The following TBC1D23 variants were observed in gnomAD, a reference collection of about 807,000 sequenced individuals.
The protein encoded by TBC1D23 is HCV non-structural protein 4A-transactivated protein 1.
In TBC1D23, 55 loss-of-function variants were observed where a neutral mutation model predicts 91.4. That is an observed-to-expected ratio of 0.60 (90% confidence interval 0.48 to 0.75). The LOEUF (loss-of-function observed/expected upper bound fraction) is 0.75, where lower values mean the gene tolerates loss of function less well. Among genes scored for constraint, TBC1D23 ranks in the 30% least tolerant of loss-of-function variants. The pLI is 0.00. For synonymous variants in TBC1D23, 289 were observed against 281.0 expected (o/e 1.03, Z -0.28); for missense variants, 725 against 836.1 (o/e 0.87, Z 1.64).
Position 100,320,857 on chromosome 3 carries a change from G to A in TBC1D23, c.1904G>A (p.Arg635Gln), listed in dbSNP as rs1326755719. The A allele has an allele frequency of 4.3e-6, 7 of 1,612,538 alleles. No homozygotes were observed. Among genetic ancestry groups the A allele is most frequent in the African/African-American group, 1.3e-5 (1 of 74,738 alleles). Residue 635 changes from arginine (R) to glutamine (Q), a missense_variant, in exon 18 of 19, where the codon CGA becomes CAA. Arg to Gln is a conservative substitution (Grantham distance 43). Coordinates refer to ENST00000394144, the MANE Select transcript of TBC1D23 (RefSeq NM_001199198.3). The stretch of plus-strand genomic sequence containing the variant: ...AAAGGATTGGCTTATATACAGTCTC[G>A]ACAAGCGCTGAATTCTGTAGTTAAA... ...SRKGLAYIQS[R>Q]QALNSVVKIT...
At chr3:100,273,384 C>T (rs913298074) in intron 1 of TBC1D23, among the ~76,000 whole-genome samples, 8 of 152,150 alleles carry the variant, frequency 5.3e-5, no homozygotes. Flanking sequence ...ATGGAGTCTC[C>T]TATGTCTACT....
Position 100,302,206 on chromosome 3 carries a change from A to G in TBC1D23, c.1232A>G (p.Tyr411Cys), listed in dbSNP as rs753819252. 5.6e-6 allele frequency: 9 copies of G among 1,613,828 alleles called. No homozygotes were observed. Among genetic ancestry groups the G allele is most frequent in the Non-Finnish European group, 6.8e-6 (8 of 1,179,942 alleles). The change falls in exon 11 of 19, where the codon TAT becomes TGT. Residue 411 changes from tyrosine to cysteine, a missense_variant. Coordinates refer to ENST00000394144, the MANE Select transcript of TBC1D23 (RefSeq NM_001199198.3). ...MGSGREEEDMYMNMVLAHFLQ... is the reference protein window; with the variant it reads ...MGSGREEEDMCMNMVLAHFLQ... ...AGTGGCAGGGAGGAAGAAGACATGT[A>G]TATGAACATGGTCCTGGCACACTTT...
chr3:100,323,409 A>T (rs527440919), intron 18 of TBC1D23, among the ~76,000 whole-genome samples, 178 bp from the exon 19 acceptor site: 10 of 152,168 alleles, frequency 6.6e-5, no homozygotes, highest in African/African-American at 2.4e-4. Flanking sequence ...GCTTTGGATT[A>T]TGTTCAAATA....
At chr3:100,311,498 T>G (rs1249080208) in intron 14 of TBC1D23, among the ~76,000 whole-genome samples, 1 of 152,230 alleles carries the variant, frequency 6.6e-6, no homozygotes, top group East Asian at 1.9e-4. Flanking sequence ...AGTAAAGTTA[T>G]GTCTTCTCAA....
chr3:100,308,349 C>G (rs1044330579), intron 13 of TBC1D23, among the ~76,000 whole-genome samples: 5 of 152,108 alleles, frequency 3.3e-5, no homozygotes, highest in African/African-American at 1.2e-4. Flanking sequence ...GTGGCAGGCG[C>G]CTGTAGTCCC....
Position 100,264,022 on chromosome 3 carries a change from C to T in TBC1D23, c.53+2951C>T, listed in dbSNP as rs529818163. On this transcript the variant is annotated intron_variant, in intron 1 of 18. Transcript: ENST00000394144. ...TTCCCTCCATCCTCTTCTAATCTTT[C>T]TCCTTTTTATCCTGGCACTCTCATC... Among the ~76,000 whole-genome samples, 50 of 152,284 alleles carry T rather than the reference C, an allele frequency of 3.3e-4. 1 individual carries two copies. The East Asian group carries it at 9.2e-3, about 28-fold the overall frequency.
intron 7 of TBC1D23, 148 bp downstream of exon 7, chr3:100,295,496 A>G (rs1224284193): frequency 3.3e-6 from 2 of 607,610 alleles, no homozygotes; most frequent in Admixed American, 3.6e-5. Flanking sequence ...CTCTCCAGGT[A>G]CAGACCTTAA....
chr3:100,277,959 T>C (rs1396119182), intron 1 of TBC1D23, among the ~76,000 whole-genome samples: 1 of 152,270 alleles, frequency 6.6e-6, no homozygotes, highest in African/African-American at 2.4e-5. Flanking sequence ...AGTTATCTTC[T>C]GTTCATATGA....
intron 1 of TBC1D23, among the ~76,000 whole-genome samples, chr3:100,266,405 A>T (rs2067558179): frequency 6.6e-6 from 1 of 152,028 alleles, no homozygotes; most frequent in Non-Finnish European, 1.5e-5. Context: ...AGGAGCTAAG[A>T]TTACAGGCAT....
intron 2 of TBC1D23, 29 bp downstream of exon 2, chr3:100,279,789 TA>T: frequency 7.5e-7 from 1 of 1,333,232 alleles, no homozygotes; most frequent in Non-Finnish European, 1.1e-6. Context: ...GAATAAAATG[TA>T]ATCACTGAAG....
chr3:100,263,090 G>C (rs575084656), intron 1 of TBC1D23, among the ~76,000 whole-genome samples: 1 of 152,312 alleles, frequency 6.6e-6, no homozygotes, highest in South Asian at 2.1e-4. Flanking sequence ...GGCGGGCTGA[G>C]TCCGAAAAGA....
intron 13 of TBC1D23, among the ~76,000 whole-genome samples, chr3:100,307,665 A>G (rs1705537270): frequency 6.6e-6 from 1 of 152,186 alleles, no homozygotes; most frequent in South Asian, 2.1e-4. Context: ...TTAATTTGAT[A>G]CTCTTATTTT....
intron 10 of TBC1D23, among the ~76,000 whole-genome samples, chr3:100,300,562 T>TA (rs1263045997): frequency 2.0e-5 from 3 of 151,208 alleles, no homozygotes; most frequent in African/African-American, 4.9e-5. Context: ...AGTACAGTGT[T>TA]ATGATCTTGG....
intron 15 of TBC1D23, among the ~76,000 whole-genome samples, chr3:100,314,927 T>C (rs1705707079): frequency 6.6e-6 from 1 of 152,204 alleles, no homozygotes; most frequent in South Asian, 2.1e-4. Flanking sequence ...TAGTAGGTAA[T>C]TTTAGCTGAA....
intron 4 of TBC1D23, among the ~76,000 whole-genome samples, chr3:100,287,721 T>C (rs1355002361): frequency 6.6e-6 from 1 of 152,206 alleles, no homozygotes; most frequent in African/African-American, 2.4e-5. Flanking sequence ...AATCCTGACA[T>C]TGACCTCACA....
rs1483721006 is a variant in TBC1D23 at position 100,319,063 on chromosome 3, T to C, written c.1688-6T>C. ...ATCCATATTTAATACTTTGTATTTTTTATAGATGAAATTGACAGTTCTTCA... is the reference window on the plus strand; with the variant it reads ...ATCCATATTTAATACTTTGTATTTTCTATAGATGAAATTGACAGTTCTTCA... On this transcript the variant is annotated splice_polypyrimidine_tract_variant and splice_region_variant and intron_variant, in intron 16 of 18. Transcript: ENST00000394144. 1.2e-5 allele frequency: 19 copies of C among 1,533,220 alleles called. No individual in the cohort carries two copies. The highest frequency in any genetic ancestry group is 1.6e-5 in the Non-Finnish European group (18 of 1,122,928). The allele number at this position is 1,533,220 out of a possible 1,614,324, so 95.0% of individuals were successfully genotyped here. A position where few individuals can be genotyped will look rare whatever the true frequency, so the allele number is the denominator to read the frequency against.
At chr3:100,306,245 G>A (rs1705515529) in intron 12 of TBC1D23, among the ~76,000 whole-genome samples, 192 bp from the exon 13 acceptor site, 1 of 152,164 alleles carries the variant, frequency 6.6e-6, no homozygotes, top group African/African-American at 2.4e-5. Flanking sequence ...GTTTTAGAAG[G>A]AAGAATAGGA....
At chr3:100,294,952 C>A in intron 5 of TBC1D23, 135 bp from the exon 6 acceptor site, 1 of 861,324 alleles carries the variant, frequency 1.2e-6, no homozygotes, top group African/African-American at 1.7e-5. Context: ...ATTTCATACA[C>A]TAAGATTAAG....
chr3:100,273,648 C>T (rs897855414), intron 1 of TBC1D23, among the ~76,000 whole-genome samples: 6 of 152,280 alleles, frequency 3.9e-5, no homozygotes, highest in African/African-American at 1.2e-4. Flanking sequence ...ACCAAAACAG[C>T]AGGATACTGG....
Sources: gnomAD v4.1 joint callset for allele counts (sites outside exome capture counted in the v4.1 genomes callset) on GRCh38, gnomAD v4.1.1 for gene constraint, MANE v1.5 for transcripts, NCBI Gene and HGNC (gene_info 2026-07-23, HGNC 2026-07-21) for gene names.